Variants in AIM2 observed in about 807,000 individuals in gnomAD.
AIM2 encodes the protein absent in melanoma 2.
Under a neutral mutation model 27.7 loss-of-function variants are expected in AIM2, and 30 were observed. The ratio of observed to expected loss-of-function variants is 1.08; its 90% confidence interval spans 0.81 to 1.47. The LOEUF (loss-of-function observed/expected upper bound fraction) is 1.47, where lower values mean the gene tolerates loss of function less well. Ranked by LOEUF, AIM2 falls within the 40% of genes most tolerant of loss-of-function variation. The pLI is 0.00. For synonymous variants in AIM2, 141 were observed against 145.3 expected (o/e 0.97, Z 0.21); for missense variants, 358 against 411.3 (o/e 0.87, Z 1.12).
At chr1:159,102,352 A>T (rs1424530616) in intron 1 of AIM2, among the ~76,000 whole-genome samples, 2 of 152,226 alleles carry the variant, frequency 1.3e-5, no homozygotes, top group Admixed American at 1.3e-4. Context: ...CTGCAGAGGC[A>T]AAGCCCTCAT....
intron 1 of AIM2, among the ~76,000 whole-genome samples, chr1:159,104,195 A>C (rs1423554935): frequency 6.6e-6 from 1 of 152,138 alleles, no homozygotes; most frequent in Admixed American, 6.5e-5. Context: ...GAAAGAGACT[A>C]TTCCAAGATA....
At chr1:159,057,018 AAG>A in the AIM2 span, among the ~76,000 whole-genome samples, 1 of 152,168 alleles carries the variant, frequency 6.6e-6, no homozygotes, top group Non-Finnish European at 1.5e-5. Context: ...CTCATCTAAA[AAG>A]AGGGGAGCAG....
chr1:159,071,614 A>T (rs1656366903), intron 2 of AIM2, among the ~76,000 whole-genome samples: 1 of 152,176 alleles, frequency 6.6e-6, no homozygotes, highest in African/African-American at 2.4e-5. Context: ...GGTTCAAGTG[A>T]TTCTCGTGCC....
intron 1 of AIM2, among the ~76,000 whole-genome samples, chr1:159,090,640 T>G (rs1340045818): frequency 6.6e-6 from 1 of 152,190 alleles, no homozygotes; most frequent in Non-Finnish European, 1.5e-5. Flanking sequence ...ACTCTTACTA[T>G]TTTTCCTACA....
At chr1:159,094,231 T>C (rs1373360735) in intron 1 of AIM2, among the ~76,000 whole-genome samples, 2 of 152,202 alleles carry the variant, frequency 1.3e-5, no homozygotes, top group Non-Finnish European at 2.9e-5. Context: ...GCAAATGTAA[T>C]TGCAGTTTTT....
At position 159,066,049 on chromosome 1, in the gene AIM2, C is replaced by T. The variant is rs369765206; in HGVS notation, c.677G>A (p.Arg226His). The change falls in exon 4 of 6, where the codon CGT (arginine) becomes CAT (histidine). Residue 226 changes from arginine (R) to histidine (H), a missense_variant. Transcript: ENST00000368130. ...SGFLEVNSASRVLDAESDQKV... is the reference protein window; with the variant it reads ...SGFLEVNSASHVLDAESDQKV... ...TTGGTCAGATTCAGCATCTAACACA[C>T]GTGAGGCGCTATTTACCTCTAAGAA... 8.6e-5 allele frequency: 139 copies of T among 1,614,008 alleles called. No individual in the cohort carries two copies. In the East Asian group the frequency reaches 1.5e-3, roughly 17 times the overall value.
chr1:159,090,627 A>G (rs1190392815), intron 1 of AIM2, among the ~76,000 whole-genome samples: 1 of 152,206 alleles, frequency 6.6e-6, no homozygotes, highest in Non-Finnish European at 1.5e-5. Flanking sequence ...CCTTAAGGTG[A>G]AAACTCTTAC....
intron 1 of AIM2, among the ~76,000 whole-genome samples, chr1:159,098,942 AGGTAGGACTC>A (rs1436568065): frequency 6.6e-6 from 1 of 152,178 alleles, no homozygotes; most frequent in Non-Finnish European, 1.5e-5. Flanking sequence ...TCCACTGAAA[AGGTAGGACTC>A]GGTTGAGTCT....
chr1:159,135,707 TA>T (rs1489641991), intron 1 of AIM2, among the ~76,000 whole-genome samples: 2 of 152,240 alleles, frequency 1.3e-5, no homozygotes, highest in Non-Finnish European at 2.9e-5. Context: ...TTTCCTTATT[TA>T]AAAGTGGTCT....
chr1:159,125,560 G>A lies in AIM2; in HGVS notation c.-16+14871C>T, dbSNP rs940013938. ...AGGGCCACGGAAAGCCAGAGAGAGAGAGAACAGATGAATTTAGACAGATGT... is the reference window on the plus strand; with the variant it reads ...AGGGCCACGGAAAGCCAGAGAGAGAAAGAACAGATGAATTTAGACAGATGT... On this transcript the variant is annotated intron_variant, in intron 1 of 2. Coordinates refer to the AIM2 transcript ENST00000368129. 2.6e-5 allele frequency among the ~76,000 whole-genome samples: 4 copies of A among 152,318 alleles called. No individual in the cohort carries two copies. The South Asian group carries it at 8.3e-4, about 32-fold the overall frequency.
At chr1:159,070,525 G>C (rs949763246) in intron 2 of AIM2, among the ~76,000 whole-genome samples, 1 of 152,240 alleles carries the variant, frequency 6.6e-6, no homozygotes, top group East Asian at 1.9e-4. Context: ...ATGACTTAAG[G>C]CACTCTCAGG....
At chr1:159,080,094 G>A (rs540358584), upstream of AIM2, among the ~76,000 whole-genome samples, 1 of 152,242 alleles carries the variant, frequency 6.6e-6, no homozygotes, top group African/African-American at 2.4e-5. Flanking sequence ...TGAAGAACAC[G>A]TTGGTTGCTT....
rs772254161 is a variant in AIM2 at position 159,073,520 on chromosome 1, C to T, written c.-20-1G>A. 1.9e-6 allele frequency: 3 copies of T among 1,600,210 alleles called. No homozygotes were observed. The African/African-American group carries it at 4.0e-5, about 21-fold the overall frequency. ...TCCATCTGACAACTTTGGGATCAGC[C>T]TATAAGGAATCCAAAACATGTAAGA... is the stretch of plus-strand genomic sequence containing the variant. On this transcript the variant is annotated splice_acceptor_variant, in intron 1 of 5. Transcript: ENST00000368130. LOFTEE classifies it low-confidence loss of function (5UTR_SPLICE).
At chr1:159,089,291 T>C (rs1464518516) in intron 1 of AIM2, among the ~76,000 whole-genome samples, 2 of 152,242 alleles carry the variant, frequency 1.3e-5, no homozygotes, top group African/African-American at 4.8e-5. Flanking sequence ...TGTTTGTGAA[T>C]GGACTAAGGT....
At chr1:159,070,981 T>G (rs747264548) in intron 2 of AIM2, among the ~76,000 whole-genome samples, 20 of 152,242 alleles carry the variant, frequency 1.3e-4, no homozygotes, top group Non-Finnish European at 2.5e-4. Context: ...GTGGACAAGC[T>G]TGTCTGCCAA....
At chr1:159,113,627 A>C (rs183423436) in intron 1 of AIM2, among the ~76,000 whole-genome samples, 116 of 152,320 alleles carry the variant, frequency 7.6e-4, no homozygotes, top group African/African-American at 2.7e-3. Flanking sequence ...TCCATCACAG[A>C]AACCCATAAT....
At chr1:159,124,239 G>A (rs937865711) in intron 1 of AIM2, among the ~76,000 whole-genome samples, 1 of 152,142 alleles carries the variant, frequency 6.6e-6, no homozygotes, top group Non-Finnish European at 1.5e-5. Flanking sequence ...AACTGAGAAT[G>A]AGCTTCTAGA....
intron 1 of AIM2, among the ~76,000 whole-genome samples, chr1:159,096,129 T>C (rs974186502): frequency 1.3e-5 from 2 of 152,210 alleles, no homozygotes; most frequent in African/African-American, 4.8e-5. Context: ...ATAAACACAA[T>C]GCTACTGTAG....
chr1:159,107,381 G>A (rs1434156550), intron 1 of AIM2, among the ~76,000 whole-genome samples: 1 of 151,854 alleles, frequency 6.6e-6, no homozygotes, highest in South Asian at 2.1e-4. Context: ...AGCAGGATAC[G>A]AAAAATGGAT....
Sources: gnomAD v4.1 joint callset for allele counts (sites outside exome capture counted in the v4.1 genomes callset) on GRCh38, gnomAD v4.1.1 for gene constraint, MANE v1.5 for transcripts, NCBI Gene and HGNC (gene_info 2026-07-23, HGNC 2026-07-21) for gene names.